Variants in DLG2 observed in about 807,000 individuals in gnomAD.
The protein encoded by DLG2 is disks large homolog 2.
Under a neutral mutation model 132.5 loss-of-function variants are expected in DLG2, and 45 were observed. The ratio of observed to expected loss-of-function variants is 0.34; its 90% CI spans 0.27 to 0.44. The LOEUF is 0.44. Ranked by LOEUF, DLG2 falls within the 20% of genes least tolerant of loss-of-function variation. The pLI is 1.00. For synonymous variants in DLG2, 424 were observed against 419.6 expected, an observed-to-expected ratio of 1.01 and a Z score of -0.13; for missense variants, 1,045 against 1,196.9, an observed-to-expected ratio of 0.87 and a Z score of 1.87.
At chr11:84,776,817 G>C (rs1304738330) in intron 6 of DLG2, among the ~76,000 whole-genome samples, 2 of 152,056 alleles carry the variant, frequency 1.3e-5, no homozygotes, top group Non-Finnish European at 2.9e-5. Flanking sequence ...TGGACATTTG[G>C]TATCTTTCCA....
chr11:84,552,499 C>T (rs1028663159), intron 6 of DLG2, among the ~76,000 whole-genome samples: 1 of 152,158 alleles, frequency 6.6e-6, no homozygotes, highest in African/African-American at 2.4e-5. Flanking sequence ...TTCCAGGAGC[C>T]TCCATAATTT....
At chr11:84,541,169 ACCC>A (rs1565242533) in intron 6 of DLG2, among the ~76,000 whole-genome samples, 1 of 149,804 alleles carries the variant, frequency 6.7e-6, no homozygotes, top group Non-Finnish European at 1.5e-5. Flanking sequence ...GTGCACATGT[ACCC>A]TAGAACTTGA....
chr11:83,791,656 G>A lies in DLG2; in HGVS notation c.1723-4864C>T, dbSNP rs150658550. ...GCATGATGGAATGAGATGGTCAGCC[G>A]GGCGCGGTGGCTCACGCCTGTAATC... On this transcript the variant is annotated intron_variant, in intron 17 of 27. Coordinates refer to ENST00000376104, the MANE Select transcript of DLG2 (RefSeq NM_001142699.3). 2,099 of 327,556 alleles carry A rather than the reference G, an allele frequency of 6.4e-3. 52 individuals carry two copies. Among genetic ancestry groups the A allele is most frequent in the African/African-American group, 0.043 (1,940 of 45,098 alleles). The allele number at this position is 327,556 out of a possible 1,614,324, so 20.3% of individuals were successfully genotyped here.
At chr11:83,713,359 G>A (rs559553714) in intron 18 of DLG2, among the ~76,000 whole-genome samples, 1 of 152,168 alleles carries the variant, frequency 6.6e-6, no homozygotes, top group Non-Finnish European at 1.5e-5. Context: ...TGAAGAATGG[G>A]TGAGGTTTGC....
chr11:84,069,071 G>C (rs1002389953), intron 10 of DLG2, among the ~76,000 whole-genome samples: 2 of 152,178 alleles, frequency 1.3e-5, no homozygotes, highest in Admixed American at 6.5e-5. Flanking sequence ...ACTTTGGGGA[G>C]GGCTTGTTAA....
At chr11:83,689,993 AATATT>A (rs1214584147) in intron 18 of DLG2, among the ~76,000 whole-genome samples, 3 of 135,790 alleles carry the variant, frequency 2.2e-5, no homozygotes, top group Admixed American at 7.4e-5. Context: ...TATTTATTAT[AATATT>A]ATATTTATTA....
chr11:85,396,015 G>A lies in DLG2; in HGVS notation c.41-110650C>T, dbSNP rs182694418. Among the ~76,000 whole-genome samples the A allele has an allele frequency of 2.4e-4, 36 of 152,226 alleles. 1 individual carries two copies. Among genetic ancestry groups the A allele is most frequent in the Admixed American group, 1.0e-3 (16 of 15,292 alleles). ...TGACTGGGAAACACCTCCCAGTAGG[G>A]GCCGACAGACACCTCAAACAGGTGG... On this transcript the variant is annotated intron_variant, in intron 3 of 27. Coordinates refer to ENST00000376104, the MANE Select transcript of DLG2 (RefSeq NM_001142699.3).
chr11:84,747,550 A>T (rs1203553987), intron 6 of DLG2, among the ~76,000 whole-genome samples: 2 of 152,194 alleles, frequency 1.3e-5, no homozygotes, highest in Non-Finnish European at 2.9e-5. Context: ...GTAAAATGAG[A>T]ATAAAATTAG....
intron 6 of DLG2, among the ~76,000 whole-genome samples, chr11:84,857,519 A>T (rs1456854999): frequency 2.0e-5 from 3 of 152,108 alleles, no homozygotes; most frequent in Non-Finnish European, 4.4e-5. Flanking sequence ...TTCATTTTTA[A>T]GTATGTAATA....
intron 6 of DLG2, among the ~76,000 whole-genome samples, chr11:84,740,223 G>A (rs893788785): frequency 2.6e-5 from 4 of 151,872 alleles, no homozygotes; most frequent in East Asian, 3.9e-4. Flanking sequence ...GGAAGCCCCC[G>A]GGGGCAGCAT....
At chr11:83,940,029 ATTTAGTC>A (rs375926883) in intron 14 of DLG2, among the ~76,000 whole-genome samples, 140 of 152,294 alleles carry the variant, frequency 9.2e-4, no homozygotes, top group African/African-American at 3.3e-3. Flanking sequence ...AGCTGTTTCC[ATTTAGTC>A]TTCTGTGCCT....
chr11:84,482,201 G>C (rs2099139595), intron 7 of DLG2, among the ~76,000 whole-genome samples: 1 of 152,082 alleles, frequency 6.6e-6, no homozygotes, highest in Admixed American at 6.6e-5. Flanking sequence ...TTTTTAAAAA[G>C]CTAAATAAGC....
intron 7 of DLG2, among the ~76,000 whole-genome samples, chr11:84,467,449 G>A (rs149976583): frequency 2.1e-3 from 325 of 151,466 alleles, no homozygotes; most frequent in Non-Finnish European, 3.5e-3. Flanking sequence ...GAGAGTAAAC[G>A]TGGCAAAACG....
chr11:85,485,905 A>C (rs2093418490), intron 3 of DLG2, among the ~76,000 whole-genome samples: 1 of 152,194 alleles, frequency 6.6e-6, no homozygotes, highest in Non-Finnish European at 1.5e-5. Flanking sequence ...TGACACAGCC[A>C]GTGCAGCTGC....
At chr11:84,642,003 G>A (rs2099667225) in intron 6 of DLG2, among the ~76,000 whole-genome samples, 2 of 141,242 alleles carry the variant, frequency 1.4e-5, no homozygotes, top group South Asian at 4.6e-4. Context: ...GTGTGGATAT[G>A]TTTTATATAT....
intron 7 of DLG2, among the ~76,000 whole-genome samples, chr11:84,527,713 C>A (rs913201469): frequency 6.6e-6 from 1 of 152,128 alleles, no homozygotes; most frequent in Admixed American, 6.5e-5. Context: ...AGACACATTT[C>A]TTTTTTAATA....
intron 18 of DLG2, among the ~76,000 whole-genome samples, chr11:83,712,389 G>A (rs991916330): frequency 2.6e-5 from 4 of 152,168 alleles, no homozygotes; most frequent in African/African-American, 9.7e-5. Flanking sequence ...AGTACTTTGG[G>A]AGGCTGAGGC....
At chr11:83,810,395 TATAA>T (rs1259354049) in intron 17 of DLG2, among the ~76,000 whole-genome samples, 1 of 152,106 alleles carries the variant, frequency 6.6e-6, no homozygotes, top group African/African-American at 2.4e-5. Flanking sequence ...TGTATAAAAA[TATAA>T]ATAATTTTGG....
At chr11:85,499,393 A>G (rs1278135600) in intron 3 of DLG2, among the ~76,000 whole-genome samples, 1 of 152,248 alleles carries the variant, frequency 6.6e-6, no homozygotes, top group African/African-American at 2.4e-5. Context: ...GGACTAAACC[A>G]GGAAGAAGTT....
Sources: allele counts gnomAD v4.1 joint callset (sites outside exome capture counted in the v4.1 genomes callset), GRCh38; gene constraint gnomAD v4.1.1; transcripts MANE v1.5; gene names NCBI Gene and HGNC (gene_info 2026-07-23, HGNC 2026-07-21).